BORCS5: variants seen among roughly 807,000 people sequenced by gnomAD.
BORCS5 encodes BLOC-1 related complex subunit 5, also known as BLOC-1-related complex subunit 5.
BORCS5 carries 17 observed loss-of-function variants against 22.1 expected under a neutral mutation model. That is an observed-to-expected ratio of 0.77 (90% CI 0.53 to 1.15). BORCS5 has a LOEUF of 1.15. Among genes scored for constraint, BORCS5 ranks in the 50% most tolerant of loss-of-function variants. BORCS5 has a pLI of 0.00. For missense variants in BORCS5, 247 were observed against 253.2 expected, an observed-to-expected ratio of 0.98 and a Z score of 0.17; for synonymous variants, 117 against 99.8, an observed-to-expected ratio of 1.17 and a Z score of -1.03.
chr12:12,395,545 C>T (rs923938797), intron 2 of BORCS5, among the ~76,000 whole-genome samples: 6 of 151,194 alleles, frequency 4.0e-5, no homozygotes, highest in African/African-American at 1.5e-4. Context: ...CCTTGGCCTC[C>T]CAGCGTGCCG....
chr12:12,411,189 C>A (rs1422972892), intron 2 of BORCS5, among the ~76,000 whole-genome samples: 8 of 152,146 alleles, frequency 5.3e-5, no homozygotes, highest in Non-Finnish European at 4.4e-5. Flanking sequence ...ATTTGACTTC[C>A]TCTTTTCCTA....
intron 2 of BORCS5, among the ~76,000 whole-genome samples, chr12:12,386,563 A>G (rs1863886802): frequency 6.7e-6 from 1 of 148,362 alleles, no homozygotes; most frequent in South Asian, 2.1e-4. Context: ...TGCAACCTCT[A>G]CCTCCTGGGT....
chr12:12,402,617 C>T (rs926632711), intron 2 of BORCS5, among the ~76,000 whole-genome samples: 1 of 152,180 alleles, frequency 6.6e-6, no homozygotes, highest in African/African-American at 2.4e-5. Flanking sequence ...AGAAGCAGCT[C>T]GTTGTCATAT....
At chr12:12,443,489 G>A (rs1213425465) in intron 3 of BORCS5, among the ~76,000 whole-genome samples, 1 of 152,180 alleles carries the variant, frequency 6.6e-6, no homozygotes, top group Non-Finnish European at 1.5e-5. Flanking sequence ...AATCCAGGTG[G>A]GGGAGTGGGC....
chr12:12,461,913 A>G (rs1943112631), intron 3 of BORCS5, among the ~76,000 whole-genome samples: 1 of 152,192 alleles, frequency 6.6e-6, no homozygotes, highest in Admixed American at 6.5e-5. Context: ...AAAATCAGCT[A>G]GTTTATTCAT....
Position 12,375,868 on chromosome 12 carries a change from A to G in BORCS5, c.202+14519A>G, listed in dbSNP as rs7298898. 8.9e-3 allele frequency among the ~76,000 whole-genome samples: 1,351 copies of G among 151,526 alleles called. 26 individuals are homozygous for G. The highest frequency in any genetic ancestry group is 0.031 in the African/African-American group (1,262 of 41,292). Reference sequence around the variant, plus strand: ...AGCCCAGGCTGGAGTGCAATGGTGCAATCTCAGCTCGCTGCAACCTCTGCC... The same window carrying G: ...AGCCCAGGCTGGAGTGCAATGGTGCGATCTCAGCTCGCTGCAACCTCTGCC... On this transcript the variant is annotated intron_variant, in intron 2 of 3. Coordinates refer to ENST00000314565, the MANE Select transcript of BORCS5 (RefSeq NM_058169.6).
At chr12:12,383,634 A>C (rs534561568) in intron 2 of BORCS5, among the ~76,000 whole-genome samples, 1 of 150,688 alleles carries the variant, frequency 6.6e-6, no homozygotes, top group Non-Finnish European at 1.5e-5. Context: ...AATTTGATTG[A>C]AATGGAATTT....
intron 2 of BORCS5, among the ~76,000 whole-genome samples, chr12:12,381,520 A>G (rs1023707138): frequency 6.6e-6 from 1 of 151,182 alleles, no homozygotes; most frequent in Non-Finnish European, 1.5e-5. Flanking sequence ...GTAAGGGTTT[A>G]TTTCTGGACT....
chr12:12,409,100 T>G (rs1027942852), intron 2 of BORCS5, among the ~76,000 whole-genome samples: 1 of 151,680 alleles, frequency 6.6e-6, no homozygotes, highest in African/African-American at 2.4e-5. Context: ...TCATTTTTTT[T>G]TGTTTGTTTT....
chr12:12,459,980 A>G (rs77282240), intron 3 of BORCS5, among the ~76,000 whole-genome samples: 9,955 of 152,242 alleles, frequency 0.065, 462 homozygotes, highest in East Asian at 0.2. Context: ...GTAAGTCTTC[A>G]AACTTTGTTC....
intron 2 of BORCS5, among the ~76,000 whole-genome samples, chr12:12,363,724 A>G (rs1168684570): frequency 6.6e-6 from 1 of 151,192 alleles, no homozygotes; most frequent in East Asian, 2.0e-4. Context: ...GTGACAGAGC[A>G]AGACTCCATC....
In BORCS5 at chr12:12,435,673, A is replaced by C; in HGVS notation, c.248A>C (p.Lys83Thr). ...QTSPTNAKLE[K>T]LDSQQVLQLC... ...TCCCCAACAAATGCCAAATTGGAGA[A>C]ACTGGACTCTCAGCAGGTGTTGCAG... Residue 83 changes from lysine (K) to threonine (T), a missense_variant, in exon 3 of 4, where the codon AAA becomes ACA. Physicochemically the swap from Lys to Thr is moderately conservative, Grantham distance 78. Transcript: ENST00000314565. 6.2e-7 allele frequency: 1 copy of C among 1,614,090 alleles called. No individual in the cohort carries two copies. The highest frequency in any genetic ancestry group is 1.1e-5 in the South Asian group (1 of 91,058).
At chr12:12,397,645 C>T (rs1941381129) in intron 2 of BORCS5, among the ~76,000 whole-genome samples, 1 of 152,214 alleles carries the variant, frequency 6.6e-6, no homozygotes, top group South Asian at 2.1e-4. Context: ...TTGTCGAACA[C>T]ATTTTAAGAA....
At chr12:12,464,821 G>A (rs895108953) in intron 3 of BORCS5, among the ~76,000 whole-genome samples, 1 of 152,084 alleles carries the variant, frequency 6.6e-6, no homozygotes, top group South Asian at 2.1e-4. Flanking sequence ...GACAAATGTG[G>A]TGTGTTGTAA....
intron 2 of BORCS5, among the ~76,000 whole-genome samples, chr12:12,373,616 A>T (rs985331383): frequency 1.3e-5 from 2 of 152,012 alleles, no homozygotes; most frequent in East Asian, 3.9e-4. Context: ...CAGTTTTTCC[A>T]TTTTACTTAT....
chr12:12,422,558 G>T lies in BORCS5; in HGVS notation c.203-13070G>T, dbSNP rs534775853. Among the ~76,000 whole-genome samples, 3 of 152,016 alleles carry T rather than the reference G, an allele frequency of 2.0e-5. No individual in the cohort carries two copies. In the South Asian group the frequency reaches 6.2e-4, roughly 32 times the overall value. On this transcript the variant is annotated intron_variant, in intron 2 of 3. Transcript: ENST00000314565. ...AGAGGTTGCAGTGAGCCGAGATCGT[G>T]GCACTGCACTCCAGCCTGGGTAACA...
intron 2 of BORCS5, among the ~76,000 whole-genome samples, chr12:12,394,445 C>T (rs998011789): frequency 1.3e-5 from 2 of 151,888 alleles, no homozygotes; most frequent in Non-Finnish European, 2.9e-5. Context: ...ACCTGTAGGC[C>T]ATTTTTGGTT....
chr12:12,421,985 A>T (rs934931697), intron 2 of BORCS5, among the ~76,000 whole-genome samples: 1 of 151,782 alleles, frequency 6.6e-6, no homozygotes, highest in Non-Finnish European at 1.5e-5. Context: ...AATTTTGTTG[A>T]TCTTTTCAAA....
intron 3 of BORCS5, among the ~76,000 whole-genome samples, chr12:12,456,559 G>C (rs1943001765): frequency 1.3e-5 from 2 of 152,250 alleles, no homozygotes; most frequent in South Asian, 4.1e-4. Context: ...TTGTTGGAGA[G>C]GATATCATTT....
Sources: allele counts gnomAD v4.1 joint callset (sites outside exome capture counted in the v4.1 genomes callset), GRCh38; gene constraint gnomAD v4.1.1; transcripts MANE v1.5; gene names NCBI Gene and HGNC (gene_info 2026-07-23, HGNC 2026-07-21).